Variants in ZCCHC14 observed in about 807,000 individuals in gnomAD.
ZCCHC14 encodes the protein zinc finger CCHC domain-containing protein 14.
In ZCCHC14, 16 loss-of-function variants were observed where a neutral mutation model predicts 85.0. The ratio of observed to expected loss-of-function variants is 0.19; its 90% CI spans 0.13 to 0.29. The LOEUF is 0.29. ZCCHC14 is among the 10% of genes least tolerant of loss of function. The pLI is 1.00. For synonymous variants in ZCCHC14, 775 were observed against 630.7 expected (o/e 1.23, Z -3.43); for missense variants, 1,303 against 1,443.5 (o/e 0.90, Z 1.58).
chr16:87,443,466 G>T (rs1567525077), intron 2 of ZCCHC14, among the ~76,000 whole-genome samples: 1 of 152,128 alleles, frequency 6.6e-6, no homozygotes, highest in Admixed American at 6.6e-5. Context: ...CCAGGCATGG[G>T]GGCTCACACC....
Position 87,412,192 on chromosome 16 carries a change from A to G in ZCCHC14, c.2529T>C (p.Thr843=), listed in dbSNP as rs1452742672. 6.2e-7 allele frequency: 1 copy of G among 1,613,846 alleles called. No individual in the cohort carries two copies. The highest frequency in any genetic ancestry group is 1.7e-5 in the Admixed American group (1 of 60,010). Residue 843 remains threonine, a synonymous_variant, in exon 12 of 13, where the codon ACT becomes ACC. Coordinates refer to ENST00000671377, the MANE Select transcript of ZCCHC14 (RefSeq NM_015144.3). The part of the protein sequence containing the change: ...LQGGFCANSN[T]ASPSSHPSTS... ...TGGAGGGGTGGCTGCTGGGAGAGGC[A>G]GTGTTGCTGTTTGCACAGAAGCCAC...
chr16:87,412,048 T>C lies in ZCCHC14; in HGVS notation c.2673A>G (p.Gly891=). The C allele has an allele frequency of 6.2e-7, 1 of 1,609,410 alleles. No individual in the cohort carries two copies. The highest frequency in any genetic ancestry group is 1.1e-5 in the South Asian group (1 of 91,058). ...YSSSGGGGST[G]NIPASNPNHH... is the part of the protein sequence containing the mutation. ...GGTTCGGATTCGAGGCAGGAATGTT[T>C]CCTGTGGAGCCGCCACCGCCACTGC... The change falls in exon 12 of 13, where the codon GGA becomes GGG. Residue 891 remains glycine (G), a synonymous_variant. Transcript: ENST00000671377.
In ZCCHC14 at chr16:87,491,927, C is replaced by T. The variant is rs1200568411; in HGVS notation, c.312G>A (p.Val104=). 1 of 1,469,774 alleles carries T rather than the reference C, an allele frequency of 6.8e-7. No homozygotes were observed. The highest frequency in any genetic ancestry group is 1.4e-5 in the South Asian group (1 of 73,802). 91.0% of individuals were successfully genotyped at this position (1,469,774 alleles called of 1,614,324 possible). The change falls in exon 1 of 13, where the codon GTG becomes GTA. Residue 104 remains valine (V), a synonymous_variant. Transcript: ENST00000671377. This position sits in a 1 kb window ranked among gnomAD's most constrained non-coding sequence, Gnocchi z 5.9. The stretch of plus-strand genomic sequence containing the variant: ...CGATGTGCGTGAGCGTGCGGTAGAG[C>T]ACGCCCGCCGCCTCGCGCTGCTCCG... ...LGSEQREAAG[V]LYRTLTHIDS...
At chr16:87,440,218 G>A (rs1464144802) in intron 2 of ZCCHC14, among the ~76,000 whole-genome samples, 2 of 151,820 alleles carry the variant, frequency 1.3e-5, no homozygotes, top group African/African-American at 2.4e-5. Flanking sequence ...AGTCTGGAGT[G>A]CAGTGGTGCA....
Position 87,411,657 on chromosome 16 carries a change from C to T in ZCCHC14, c.3064G>A (p.Val1022Met). The change falls in exon 12 of 13, where the codon GTG (valine) becomes ATG (methionine). Residue 1022 changes from valine (V) to methionine (M), a missense_variant. Val to Met is a conservative substitution (Grantham distance 21). Around this residue, in one of 7 missense-constraint regions of ZCCHC14, gnomAD observed 797 missense variants for 730.8 expected, o/e 1.09. Transcript: ENST00000671377. ...CCCACCAGTCCTTGGGTCTGGTACA[C>T]CCCTGCTGTCCCTGCCATGAAGTTC... ...MQNFMAGTAGVYQTQGLVGSS... is the reference protein window; with the variant it reads ...MQNFMAGTAGMYQTQGLVGSS... 1 of 1,614,022 alleles carries T rather than the reference C, an allele frequency of 6.2e-7. No homozygotes were observed.
Position 87,427,045 on chromosome 16 carries a change from G to A in ZCCHC14, c.769-3164C>T, listed in dbSNP as rs149209222. 1.4e-3 allele frequency among the ~76,000 whole-genome samples: 219 copies of A among 152,346 alleles called. 1 individual carries two copies. Among genetic ancestry groups the A allele is most frequent in the African/African-American group, 5.2e-3 (215 of 41,584 alleles). On this transcript the variant is annotated intron_variant, in intron 3 of 12. Transcript: ENST00000671377. ...CGCCAGAGGAGCTCCAGCCAACAGG[G>A]GAAGATGTGGGGGAAGGAGCAGCTT...
intron 2 of ZCCHC14, among the ~76,000 whole-genome samples, chr16:87,441,836 T>C (rs1327412874): frequency 4.6e-5 from 7 of 152,188 alleles, no homozygotes; most frequent in African/African-American, 9.7e-5. Flanking sequence ...AAACGTAGTG[T>C]TGGGGGACTC....
At chr16:87,415,160 G>C (rs1009305843) in intron 9 of ZCCHC14, 116 bp downstream of exon 9, 1 of 778,350 alleles carries the variant, frequency 1.3e-6, no homozygotes, top group Non-Finnish European at 2.2e-6. Context: ...CTAAGGACTG[G>C]ATAAGCAACA....
In ZCCHC14 at chr16:87,411,899, A is replaced by G; in HGVS notation, c.2822T>C (p.Val941Ala). The G allele has an allele frequency of 6.3e-7, 1 of 1,595,330 alleles. No homozygotes were observed. The highest frequency in any genetic ancestry group is 8.5e-7 in the Non-Finnish European group (1 of 1,172,416). The change falls in exon 12 of 13, where the codon GTC becomes GCC. Residue 941 changes from valine to alanine, a missense_variant. Val to Ala is a moderately conservative substitution (Grantham distance 64). This residue lies in a region of ZCCHC14 where 797 missense variants were observed against 730.8 expected (regional missense o/e 1.09). Coordinates refer to ENST00000671377, the MANE Select transcript of ZCCHC14 (RefSeq NM_015144.3). ...GTGCTGGAAGTAGTTGGCGTAGCTG[A>G]CAGTCAGGCCACTCGAGCCGCAGCT... Reference protein sequence around the residue: ...SGSCGSSGLTVSYANYFQHPF... With the variant: ...SGSCGSSGLTASYANYFQHPF...
intron 10 of ZCCHC14, among the ~76,000 whole-genome samples, chr16:87,413,661 G>A (rs994039862): frequency 1.3e-5 from 2 of 152,012 alleles, no homozygotes; most frequent in Non-Finnish European, 2.9e-5. Context: ...GAGCAAGCGC[G>A]CCAGGTGTCC....
At chr16:87,456,533 CAAAAAA>C (rs60817141) in intron 2 of ZCCHC14, among the ~76,000 whole-genome samples, 16 of 63,366 alleles carry the variant, frequency 2.5e-4, no homozygotes, top group South Asian at 2.4e-3. Context: ...ACTCTGTCTC[CAAAAAA>C]AAAAAAAAAA....
chr16:87,443,040 G>A (rs1910261986), intron 2 of ZCCHC14, among the ~76,000 whole-genome samples: 1 of 152,210 alleles, frequency 6.6e-6, no homozygotes, highest in Non-Finnish European at 1.5e-5. Context: ...CATCAGGAAG[G>A]AAAGAAAAGC....
chr16:87,417,376 T>C (rs1005312777), intron 8 of ZCCHC14, 84 bp downstream of exon 8: 4 of 1,547,812 alleles, frequency 2.6e-6, no homozygotes, highest in Non-Finnish European at 3.5e-6. Context: ...CCACCTTGTG[T>C]TGGTTTGGAA....
chr16:87,468,987 C>T lies in ZCCHC14; in HGVS notation c.571-8856G>A, dbSNP rs150534342. ...GGTCTAGACATCTTTAAAAAGAATA[C>T]GGTCAGTTTAAAAAGCCAGGTGCCA... On this transcript the variant is annotated intron_variant, in intron 1 of 12. Coordinates refer to ENST00000671377, the MANE Select transcript of ZCCHC14 (RefSeq NM_015144.3). 2.7e-4 allele frequency among the ~76,000 whole-genome samples: 41 copies of T among 152,292 alleles called. 2 individuals carry two copies. The East Asian group carries it at 5.2e-3, about 19-fold the overall frequency.
chr16:87,410,587 G>A (rs1299041917), intron 12 of ZCCHC14, among the ~76,000 whole-genome samples: 2 of 152,244 alleles, frequency 1.3e-5, no homozygotes, highest in East Asian at 3.8e-4. Context: ...GCTTCCTCTG[G>A]GAGTCAGGCT....
At chr16:87,435,431 G>T (rs750448129) in intron 2 of ZCCHC14, among the ~76,000 whole-genome samples, 2 of 152,230 alleles carry the variant, frequency 1.3e-5, no homozygotes, top group Non-Finnish European at 2.9e-5. Context: ...GCCTCCACAT[G>T]CCCCTCATCT....
At chr16:87,450,834 G>C (rs1910662892) in intron 2 of ZCCHC14, among the ~76,000 whole-genome samples, 1 of 152,062 alleles carries the variant, frequency 6.6e-6, no homozygotes, top group Non-Finnish European at 1.5e-5. Context: ...GGGATTACAA[G>C]CGTGAGCCAC....
chr16:87,421,132 G>A (rs1380431580), intron 4 of ZCCHC14, among the ~76,000 whole-genome samples: 2 of 152,224 alleles, frequency 1.3e-5, no homozygotes, highest in African/African-American at 2.4e-5. Flanking sequence ...CAGAAATGCC[G>A]GAGCCCCAGG....
intron 7 of ZCCHC14, 49 bp from the exon 8 acceptor site, chr16:87,417,791 C>T: frequency 6.6e-7 from 1 of 1,508,206 alleles, no homozygotes; most frequent in Non-Finnish European, 8.8e-7. Context: ...GCTTCCACAA[C>T]CACAGACTCC....
Sources: allele counts gnomAD v4.1 joint callset (sites outside exome capture counted in the v4.1 genomes callset), GRCh38; gene constraint gnomAD v4.1.1; regional missense constraint gnomAD v4.1.1; non-coding constraint Gnocchi (gnomAD v3.1); transcripts MANE v1.5; gene names NCBI Gene and HGNC (gene_info 2026-07-23, HGNC 2026-07-21).